TOX: variants seen among roughly 807,000 people sequenced by gnomAD.
TOX encodes the protein thymocyte selection-associated high mobility group box protein TOX.
Under a neutral mutation model 53.7 loss-of-function variants are expected in TOX, and 11 were observed. That is an observed-to-expected ratio of 0.20 (90% confidence interval 0.13 to 0.34). The LOEUF (loss-of-function observed/expected upper bound fraction) is 0.34. TOX is among the 10% of genes least tolerant of loss of function. The pLI, the probability that TOX is intolerant of heterozygous loss-of-function variation, is 1.00. For missense variants in TOX, 570 were observed against 664.6 expected (o/e 0.86, Z 1.56); for synonymous variants, 225 against 245.3 (o/e 0.92, Z 0.77).
intron 1 of TOX, among the ~76,000 whole-genome samples, chr8:59,063,727 A>G (rs1302893496): frequency 6.6e-6 from 1 of 152,142 alleles, no homozygotes; most frequent in Non-Finnish European, 1.5e-5. Context: ...GGCCCGGGAT[A>G]GACTTTTACT....
At chr8:59,057,458 T>G (rs929270676) in intron 1 of TOX, among the ~76,000 whole-genome samples, 2 of 152,158 alleles carry the variant, frequency 1.3e-5, no homozygotes, top group African/African-American at 4.8e-5. Flanking sequence ...TTCAAGACAC[T>G]GGAAACAATA....
chr8:59,036,504 T>C (rs887183465), intron 1 of TOX, among the ~76,000 whole-genome samples: 1 of 152,206 alleles, frequency 6.6e-6, no homozygotes, highest in Non-Finnish European at 1.5e-5. Context: ...AGGACCTTGT[T>C]AGTCTCACCA....
chr8:59,094,669 A>G (rs1804683704), intron 1 of TOX, among the ~76,000 whole-genome samples: 1 of 152,144 alleles, frequency 6.6e-6, no homozygotes, highest in African/African-American at 2.4e-5. Flanking sequence ...TAAAGCAGTA[A>G]TTGTCCTGAG....
intron 1 of TOX, among the ~76,000 whole-genome samples, chr8:59,031,311 A>T (rs1362040980): frequency 6.6e-6 from 1 of 152,202 alleles, no homozygotes; most frequent in African/African-American, 2.4e-5. Context: ...CTAGGACAAG[A>T]TGTACAAGTT....
rs1450942762 is a variant in TOX, at chr8:58,928,341, G to A, written c.411+10961C>T. Among the ~76,000 whole-genome samples the A allele has an allele frequency of 1.4e-4, 22 of 152,226 alleles. 1 individual carries two copies. The highest frequency in any genetic ancestry group is 1.4e-3 in the Admixed American group (22 of 15,282). On this transcript the variant is annotated intron_variant, in intron 3 of 8. Coordinates refer to ENST00000361421, the MANE Select transcript of TOX (RefSeq NM_014729.3). ...CAACCGCACACAAGAAAAAATCCAT[G>A]TGATAGTAGCTATTAACAAGAGGTC...
intron 1 of TOX, among the ~76,000 whole-genome samples, chr8:59,010,188 T>C (rs935910865): frequency 1.3e-5 from 2 of 152,338 alleles, no homozygotes; most frequent in Admixed American, 1.3e-4. Flanking sequence ...TCTGGAAGCC[T>C]GATTTTTTCA....
chr8:59,051,487 G>C (rs759920911), intron 1 of TOX, among the ~76,000 whole-genome samples: 4 of 152,002 alleles, frequency 2.6e-5, no homozygotes, highest in Non-Finnish European at 5.9e-5. Flanking sequence ...CAGTAATTCT[G>C]ATAAAGTCAT....
At chr8:59,002,745 A>G (rs1813717053) in intron 1 of TOX, among the ~76,000 whole-genome samples, 1 of 152,220 alleles carries the variant, frequency 6.6e-6, no homozygotes, top group Non-Finnish European at 1.5e-5. Context: ...AGTAAAAGGC[A>G]TAAATGGTCA....
intron 5 of TOX, among the ~76,000 whole-genome samples, chr8:58,835,021 A>G (rs1810522784): frequency 6.6e-6 from 1 of 152,178 alleles, no homozygotes; most frequent in African/African-American, 2.4e-5. Context: ...CAAATTTTAA[A>G]ACATTTACTT....
intron 1 of TOX, among the ~76,000 whole-genome samples, chr8:59,069,794 A>C (rs1804161024): frequency 6.6e-6 from 1 of 152,242 alleles, no homozygotes; most frequent in African/African-American, 2.4e-5. Context: ...GATATGTTGT[A>C]CAGTGAGTCA....
Position 58,964,271 on chromosome 8 carries a change from A to G in TOX, c.103-4263T>C, listed in dbSNP as rs559518806. 3.3e-5 allele frequency among the ~76,000 whole-genome samples: 5 copies of G among 152,322 alleles called. No individual in the cohort carries two copies. The South Asian group carries it at 6.2e-4, about 19-fold the overall frequency. On this transcript the variant is annotated intron_variant, in intron 1 of 8. Coordinates refer to ENST00000361421, the MANE Select transcript of TOX (RefSeq NM_014729.3). ...ATAAAATGTGTATGCCCTCTCTCCA[A>G]AGAATCTTGAGCTGCCAAATAAAAA... is the stretch of plus-strand genomic sequence containing the variant.
intron 3 of TOX, among the ~76,000 whole-genome samples, chr8:58,888,566 G>C (rs571025822): frequency 2.4e-4 from 37 of 152,052 alleles, no homozygotes; most frequent in African/African-American, 7.5e-4. Context: ...GGTTGGGCAA[G>C]TTGTCCTAAA....
At chr8:59,052,638 T>C (rs1803812122) in intron 1 of TOX, among the ~76,000 whole-genome samples, 1 of 152,208 alleles carries the variant, frequency 6.6e-6, no homozygotes, top group Non-Finnish European at 1.5e-5. Context: ...TGTTTTTACA[T>C]GAGGCAACAT....
rs146518569 is a variant in TOX at position 58,997,566 on chromosome 8, T to C, written c.103-37558A>G. ...CGCCTGGGTGGTCAGTGTCACTAAG[T>C]TAGTTATTCCTTTGTCCCATTCATG... On this transcript the variant is annotated intron_variant, in intron 1 of 8. Transcript: ENST00000361421. 3.0e-3 allele frequency among the ~76,000 whole-genome samples: 461 copies of C among 152,306 alleles called. 2 individuals carry two copies. Among genetic ancestry groups the C allele is most frequent in the Middle Eastern group, 0.014 (4 of 294 alleles).
At chr8:58,875,579 G>C (rs1811269454) in intron 3 of TOX, among the ~76,000 whole-genome samples, 1 of 152,084 alleles carries the variant, frequency 6.6e-6, no homozygotes, top group African/African-American at 2.4e-5. Context: ...AGTTTAAAAG[G>C]CTATAATTTA....
chr8:59,118,793 C>G lies in TOX; in HGVS notation c.102+93G>C. 1.0e-6 allele frequency: 1 copy of G among 983,084 alleles called. No homozygotes were observed. The highest frequency in any genetic ancestry group is 1.5e-6 in the Non-Finnish European group (1 of 687,522). 60.9% of individuals were successfully genotyped at this position (983,084 alleles called of 1,614,324 possible). The stretch of plus-strand genomic sequence containing the variant: ...GCCGAGCGCGCCCGGGACCGGCCTC[C>G]GCCAAGCCGGCCCCGCCGCGGCCCG... On this transcript the variant is annotated intron_variant, in intron 1 of 8. Transcript: ENST00000361421. The surrounding 1 kb of genome is among the most constrained non-coding windows in gnomAD (Gnocchi z 4.1).
At chr8:59,058,279 T>C (rs186895679) in intron 1 of TOX, among the ~76,000 whole-genome samples, 72 of 152,330 alleles carry the variant, frequency 4.7e-4, no homozygotes, top group Admixed American at 4.1e-3. Context: ...CTGGGTGAGC[T>C]GAGCTTGGGA....
At chr8:59,111,879 T>G (rs575940652) in intron 1 of TOX, among the ~76,000 whole-genome samples, 2 of 152,108 alleles carry the variant, frequency 1.3e-5, no homozygotes, top group Non-Finnish European at 2.9e-5. Context: ...GATAAATACT[T>G]GGCTAAAGCA....
intron 3 of TOX, among the ~76,000 whole-genome samples, chr8:58,923,816 G>T (rs1812113543): frequency 6.6e-6 from 1 of 152,158 alleles, no homozygotes; most frequent in South Asian, 2.1e-4. Flanking sequence ...AGTCCCAGTT[G>T]TAGGCCTAAT....
Sources: allele counts gnomAD v4.1 joint callset (sites outside exome capture counted in the v4.1 genomes callset), GRCh38; gene constraint gnomAD v4.1.1; non-coding constraint Gnocchi (gnomAD v3.1); transcripts MANE v1.5; gene names NCBI Gene and HGNC (gene_info 2026-07-23, HGNC 2026-07-21).